MYO16: variants seen among roughly 807,000 people sequenced by gnomAD.
MYO16 encodes the protein myosin XVI, also known as unconventional myosin-XVI.
A neutral mutation model predicts 205.3 loss-of-function variants in MYO16; 94 were observed. The observed-to-expected ratio is 0.46, with a 90% CI of 0.39 to 0.54. The LOEUF is 0.54. Ranked by LOEUF, MYO16 falls within the 20% of genes least tolerant of loss-of-function variation. The pLI is 0.00. For synonymous variants in MYO16, 988 were observed against 954.0 expected (o/e 1.04, Z -0.66); for missense variants, 2,315 against 2,387.5 (o/e 0.97, Z 0.63).
At chr13:108,638,146 G>A (rs577109107) in intron 1 of MYO16, among the ~76,000 whole-genome samples, 1 of 152,246 alleles carries the variant, frequency 6.6e-6, no homozygotes, top group Non-Finnish European at 1.5e-5. Context: ...GTTACTGAAA[G>A]GAGTGAGTGA....
intron 16 of MYO16, among the ~76,000 whole-genome samples, chr13:108,922,063 A>C (rs1881769217): frequency 6.6e-6 from 1 of 152,214 alleles, no homozygotes; most frequent in East Asian, 1.9e-4. Context: ...TCTTGCTCCT[A>C]GCGTACGTCT....
intron 11 of MYO16, among the ~76,000 whole-genome samples, chr13:108,859,212 T>C (rs964610058): frequency 1.3e-5 from 2 of 152,200 alleles, no homozygotes; most frequent in Admixed American, 1.3e-4. Context: ...ATCATGCCCA[T>C]ACCCACTAGA....
chr13:108,947,748 A>G (rs769545398), intron 16 of MYO16, among the ~76,000 whole-genome samples: 11 of 152,172 alleles, frequency 7.2e-5, no homozygotes, highest in Non-Finnish European at 1.3e-4. Context: ...ATCATTCACT[A>G]TGTGTAAGGT....
At chr13:109,199,192 GTATA>G (rs4000581) in intron 34 of MYO16, among the ~76,000 whole-genome samples, 3,503 of 74,368 alleles carry the variant, frequency 0.047, 175 homozygotes, top group Non-Finnish European at 0.057. Flanking sequence ...AATAAAAAAG[GTATA>G]TATATATATA....
the MYO16 span, among the ~76,000 whole-genome samples, chr13:108,532,516 G>C: frequency 6.6e-6 from 1 of 151,626 alleles, no homozygotes; most frequent in African/African-American, 2.4e-5. Context: ...AAAAGAGGCT[G>C]GGTGTCATGG....
chr13:108,985,988 T>C (rs548294566), intron 20 of MYO16, among the ~76,000 whole-genome samples: 2 of 152,254 alleles, frequency 1.3e-5, no homozygotes, highest in African/African-American at 4.8e-5. Flanking sequence ...TCCACATGGC[T>C]AGGGAGGCCT....
At position 108,849,226 on chromosome 13, in the gene MYO16, T is replaced by G. The variant is rs187432689; in HGVS notation, c.1248+4733T>G. Among the ~76,000 whole-genome samples, 570 of 152,354 alleles carry G rather than the reference T, an allele frequency of 3.7e-3. 3 individuals carry two copies. Among genetic ancestry groups the G allele is most frequent in the African/African-American group, 0.011 (437 of 41,582 alleles). On this transcript the variant is annotated intron_variant, in intron 10 of 34. Coordinates refer to ENST00000457511, the MANE Select transcript of MYO16 (RefSeq NM_001198950.3). ...GTTTTTCTGAGATGACGTCTTACTC[T>G]GTCGCCCAGACTGGAGTACAATGGT...
intron 3 of MYO16, among the ~76,000 whole-genome samples, chr13:108,725,916 T>G (rs1314394912): frequency 6.6e-6 from 1 of 152,112 alleles, no homozygotes; most frequent in East Asian, 1.9e-4. Flanking sequence ...TAGGGCTTAT[T>G]TTGTTTGCTG....
chr13:108,643,128 A>G (rs778893782), intron 1 of MYO16, among the ~76,000 whole-genome samples: 1 of 152,190 alleles, frequency 6.6e-6, no homozygotes, highest in Non-Finnish European at 1.5e-5. Context: ...TCTCACTCCA[A>G]AGAGTTCCCT....
intron 14 of MYO16, among the ~76,000 whole-genome samples, chr13:108,894,415 T>G (rs1163407182): frequency 6.6e-6 from 1 of 152,124 alleles, no homozygotes; most frequent in East Asian, 1.9e-4. Flanking sequence ...GATTGCCATC[T>G]CAGTGGAGTA....
intron 15 of MYO16, 60 bp downstream of exon 15, chr13:108,898,193 CACACAG>C: frequency 7.8e-7 from 1 of 1,276,010 alleles, no homozygotes. Flanking sequence ...GACCACGTCA[CACACAG>C]GCACGCTATG....
intron 34 of MYO16, among the ~76,000 whole-genome samples, chr13:109,191,442 C>T (rs1594174195): frequency 6.6e-6 from 1 of 152,004 alleles, no homozygotes; most frequent in African/African-American, 2.4e-5. Context: ...AAAAAGAAAA[C>T]GTTCAACAGG....
At chr13:108,881,450 G>A (rs919469951) in intron 12 of MYO16, among the ~76,000 whole-genome samples, 5 of 152,210 alleles carry the variant, frequency 3.3e-5, no homozygotes, top group African/African-American at 4.8e-5. Context: ...TGACTTTGAC[G>A]AGTTGAGAGA....
At chr13:108,509,977 C>T in the MYO16 span, among the ~76,000 whole-genome samples, 6 of 152,094 alleles carry the variant, frequency 3.9e-5, no homozygotes, top group Non-Finnish European at 7.4e-5. Context: ...AAGTTGAGTA[C>T]GTTGAGTGAG....
chr13:109,023,652 T>TATATATGCAA (rs1566468156), intron 23 of MYO16, among the ~76,000 whole-genome samples: 14 of 129,144 alleles, frequency 1.1e-4, no homozygotes, highest in Non-Finnish European at 1.4e-4. Context: ...CAAATATATG[T>TATATATGCAA]ATATATGTAT....
rs1876293163 is a variant in MYO16 at position 109,127,185 on chromosome 13, G to A, written c.3783-97G>A. 4 of 1,420,058 alleles carry A rather than the reference G, an allele frequency of 2.8e-6. No homozygotes were observed. Among genetic ancestry groups the A allele is most frequent in the Non-Finnish European group, 2.8e-6 (3 of 1,076,066 alleles). 88.0% of individuals were successfully genotyped at this position (1,420,058 alleles called of 1,614,324 possible). On this transcript the variant is annotated intron_variant, in intron 30 of 34. Transcript: ENST00000457511. This position sits in a 1 kb window ranked among gnomAD's most constrained non-coding sequence, Gnocchi z 4.2. ...AGCAGGAAGGGCTGCTTGCCAAAAA[G>A]CCGTCATTATGTCTGCTTGAGCAGG...
chr13:108,565,494 A>G, the MYO16 span, among the ~76,000 whole-genome samples: 1 of 152,152 alleles, frequency 6.6e-6, no homozygotes, highest in Non-Finnish European at 1.5e-5. Context: ...CTTGGCATAT[A>G]GAAATGTAAC....
rs191146026 is a variant in MYO16, at chr13:109,187,855, G to A, written c.5415+8222G>A. Among the ~76,000 whole-genome samples, 185 of 152,320 alleles carry A rather than the reference G, an allele frequency of 1.2e-3. 2 individuals are homozygous for A. The highest frequency in any genetic ancestry group is 4.3e-3 in the African/African-American group (180 of 41,560). On this transcript the variant is annotated intron_variant, in intron 34 of 34. Coordinates refer to ENST00000457511, the MANE Select transcript of MYO16 (RefSeq NM_001198950.3). ...CCATTGGGTGGAGTCTTCTGGAAGT[G>A]TGGATTAGGTCTGGTTGGTTACTTG...
Position 109,141,068 on chromosome 13 carries a change from C to T in MYO16, c.4856C>T (p.Pro1619Leu), listed in dbSNP as rs776672127. The change falls in exon 32 of 35, where the codon CCG becomes CTG. Residue 1619 changes from proline (P) to leucine (L), a missense_variant. Transcript: ENST00000457511. The surrounding 1 kb of genome is among the most constrained non-coding windows in gnomAD (Gnocchi z 4.1). ...CCCTGCGCGCACTTGGCCTTCCCGC[C>T]GGAGCCCGCCCCGGTGAACGCGGGG... ...YRPCAHLAFP[P>L]EPAPVNAGKA... The T allele has an allele frequency of 2.1e-6, 3 of 1,435,890 alleles. No individual in the cohort carries two copies. The highest frequency in any genetic ancestry group is 3.0e-5 in the Admixed American group (1 of 33,536). 88.9% of individuals were successfully genotyped at this position (1,435,890 alleles called of 1,614,324 possible).
Sources: gnomAD v4.1 joint callset for allele counts (sites outside exome capture counted in the v4.1 genomes callset) on GRCh38, gnomAD v4.1.1 for gene constraint, Gnocchi (gnomAD v3.1) non-coding constraint, MANE v1.5 for transcripts, NCBI Gene and HGNC (gene_info 2026-07-23, HGNC 2026-07-21) for gene names.